Variants in ADAMTS12 observed in about 807,000 individuals in gnomAD.
ADAMTS12 encodes the protein A disintegrin and metalloproteinase with thrombospondin motifs 12.
A neutral mutation model predicts 167.8 loss-of-function variants in ADAMTS12; 118 were observed. The observed-to-expected ratio is 0.70, with a 90% CI of 0.61 to 0.82. The LOEUF (loss-of-function observed/expected upper bound fraction) is 0.82, where lower values mean the gene tolerates loss of function less well. Ranked by LOEUF, ADAMTS12 falls within the 40% of genes least tolerant of loss-of-function variation. The pLI is 0.00. For missense variants in ADAMTS12, 1,916 were observed against 1,998.8 expected, an observed-to-expected ratio of 0.96 and a Z score of 0.79; for synonymous variants, 704 against 716.9, an observed-to-expected ratio of 0.98 and a Z score of 0.29.
intron 22 of ADAMTS12, among the ~76,000 whole-genome samples, chr5:33,544,122 C>T (rs1333485980): frequency 6.6e-6 from 1 of 152,198 alleles, no homozygotes; most frequent in African/African-American, 2.4e-5. Context: ...CCCATCGTCT[C>T]AGCCCCAAAT....
intron 5 of ADAMTS12, among the ~76,000 whole-genome samples, chr5:33,665,342 A>G (rs1741428220): frequency 6.6e-6 from 1 of 152,182 alleles, no homozygotes; most frequent in African/African-American, 2.4e-5. Flanking sequence ...ATTAATAACA[A>G]TGTACTGTAC....
At chr5:33,813,259 A>C (rs62349806) in intron 2 of ADAMTS12, among the ~76,000 whole-genome samples, 48,070 of 152,096 alleles carry the variant, frequency 0.32, 7,836 homozygotes, top group East Asian at 0.52. Flanking sequence ...TTTTCATTTT[A>C]GCCATCTGGA....
At chr5:33,820,644 TAA>T (rs11337686) in intron 2 of ADAMTS12, among the ~76,000 whole-genome samples, 17 of 151,904 alleles carry the variant, frequency 1.1e-4, no homozygotes, top group Admixed American at 7.9e-4. Context: ...GCTTAATATA[TAA>T]AAAAAAATTT....
rs570989058 is a variant in ADAMTS12 at position 33,644,787 on chromosome 5, G to A, written c.1480-1317C>T. 5.3e-4 allele frequency among the ~76,000 whole-genome samples: 81 copies of A among 151,686 alleles called. 1 individual carries two copies. The highest frequency in any genetic ancestry group is 2.0e-3 in the African/African-American group (81 of 41,314). On this transcript the variant is annotated intron_variant, in intron 9 of 23. Coordinates refer to ENST00000504830, the MANE Select transcript of ADAMTS12 (RefSeq NM_030955.4). ...ACTCTGTCATCCAGGCTGGAGTGCA[G>A]TGGTGCCATCTCGGCTCACTGCAAG... is the stretch of plus-strand genomic sequence containing the variant.
intron 3 of ADAMTS12, among the ~76,000 whole-genome samples, chr5:33,735,524 T>C (rs535393225): frequency 6.6e-6 from 1 of 152,224 alleles, no homozygotes; most frequent in Non-Finnish European, 1.5e-5. Flanking sequence ...AATCCATTCC[T>C]AGCTATCAGG....
At chr5:33,735,769 G>A (rs892850118) in intron 3 of ADAMTS12, among the ~76,000 whole-genome samples, 3 of 152,172 alleles carry the variant, frequency 2.0e-5, no homozygotes, top group African/African-American at 7.2e-5. Flanking sequence ...AAATGCTCAG[G>A]ACAGTGGTAG....
intron 2 of ADAMTS12, among the ~76,000 whole-genome samples, chr5:33,820,983 T>G (rs1031410997): frequency 6.6e-6 from 1 of 151,986 alleles, no homozygotes; most frequent in Non-Finnish European, 1.5e-5. Flanking sequence ...GGGTGGAGTG[T>G]GAGAGGAGGG....
chr5:33,661,452 A>T (rs566814792), intron 6 of ADAMTS12, among the ~76,000 whole-genome samples: 2 of 152,328 alleles, frequency 1.3e-5, no homozygotes, highest in East Asian at 3.9e-4. Flanking sequence ...TGCTCCTCAT[A>T]TCCTATCCTC....
At chr5:33,669,581 C>T (rs1023470734) in intron 5 of ADAMTS12, among the ~76,000 whole-genome samples, 6 of 151,932 alleles carry the variant, frequency 3.9e-5, no homozygotes, top group Non-Finnish European at 7.4e-5. Context: ...ATCTGTTAAA[C>T]TTTTACTTAA....
At chr5:33,807,684 G>A (rs546442518) in intron 2 of ADAMTS12, among the ~76,000 whole-genome samples, 5 of 152,282 alleles carry the variant, frequency 3.3e-5, no homozygotes, top group Non-Finnish European at 5.9e-5. Context: ...AATTCACCCA[G>A]AAATATGGGA....
chr5:33,661,164 T>C (rs1463163381), intron 6 of ADAMTS12, among the ~76,000 whole-genome samples: 2 of 152,236 alleles, frequency 1.3e-5, no homozygotes, highest in African/African-American at 4.8e-5. Flanking sequence ...AAGAAGAATT[T>C]ACTTTACCCC....
At chr5:33,696,414 C>G (rs890384736) in intron 3 of ADAMTS12, among the ~76,000 whole-genome samples, 2 of 78,056 alleles carry the variant, frequency 2.6e-5, no homozygotes, top group Non-Finnish European at 2.6e-5. Context: ...GAGCAAGACT[C>G]CGTCTCAAAA....
At chr5:33,612,570 T>C (rs1354609550) in intron 16 of ADAMTS12, among the ~76,000 whole-genome samples, 1 of 152,218 alleles carries the variant, frequency 6.6e-6, no homozygotes, top group Non-Finnish European at 1.5e-5. Flanking sequence ...GAGCTTAAAC[T>C]TGTACTTCAT....
chr5:33,723,700 G>A (rs1422369161), intron 3 of ADAMTS12, among the ~76,000 whole-genome samples: 2 of 152,162 alleles, frequency 1.3e-5, no homozygotes, highest in African/African-American at 4.8e-5. Flanking sequence ...TGGGCAAGCA[G>A]AGGTACTTGG....
At chr5:33,734,276 G>T (rs1281859863) in intron 3 of ADAMTS12, among the ~76,000 whole-genome samples, 1 of 152,150 alleles carries the variant, frequency 6.6e-6, no homozygotes, top group East Asian at 1.9e-4. Context: ...TGTCACTTCT[G>T]GTTCTTTGGA....
intron 2 of ADAMTS12, among the ~76,000 whole-genome samples, chr5:33,786,776 A>G (rs1746344335): frequency 6.6e-6 from 1 of 152,176 alleles, no homozygotes; most frequent in South Asian, 2.1e-4. Flanking sequence ...ACTCTACGAA[A>G]AACTATTTTC....
chr5:33,573,673 G>A (rs563152787), intron 19 of ADAMTS12, among the ~76,000 whole-genome samples: 3 of 152,178 alleles, frequency 2.0e-5, no homozygotes, highest in African/African-American at 7.2e-5. Context: ...TACCATTCAG[G>A]ACATAGGCAT....
chr5:33,773,485 G>A (rs973272292), intron 2 of ADAMTS12, among the ~76,000 whole-genome samples: 1 of 152,102 alleles, frequency 6.6e-6, no homozygotes, highest in African/African-American at 2.4e-5. Flanking sequence ...TGTCATCTAC[G>A]GAGCCTCCTT....
At chr5:33,867,853 T>C (rs1749883310) in intron 2 of ADAMTS12, among the ~76,000 whole-genome samples, 1 of 152,182 alleles carries the variant, frequency 6.6e-6, no homozygotes, top group Non-Finnish European at 1.5e-5. Context: ...CCTGCCCAAA[T>C]CTCATGTGGA....
Sources: gnomAD v4.1 joint callset for allele counts (sites outside exome capture counted in the v4.1 genomes callset) on GRCh38, gnomAD v4.1.1 for gene constraint, MANE v1.5 for transcripts, NCBI Gene and HGNC (gene_info 2026-07-23, HGNC 2026-07-21) for gene names.